NR3C1: variants seen among roughly 807,000 people sequenced by gnomAD.
NR3C1 encodes nuclear receptor subfamily 3 group C member 1.
NR3C1 carries 14 observed loss-of-function variants against 74.0 expected under a neutral mutation model. The observed-to-expected ratio is 0.19, with a 90% CI of 0.12 to 0.30. NR3C1 has a LOEUF of 0.30. NR3C1 is among the 10% of genes least tolerant of loss of function. The probability of loss-of-function intolerance (pLI) is 1.00; values close to 1 mark genes in which losing one functional copy is unlikely to be tolerated. For missense variants in NR3C1, 695 were observed against 909.8 expected (o/e 0.76, Z 3.04); for synonymous variants, 308 against 332.5 (o/e 0.93, Z 0.80).
intron 2 of NR3C1, chr5:143,332,927 A>C: frequency 6.4e-7 from 1 of 1,561,630 alleles, no homozygotes; most frequent in Non-Finnish European, 8.7e-7. Flanking sequence ...GGGGATTTCC[A>C]AATCTGAAGT....
intron 1 of NR3C1, among the ~76,000 whole-genome samples, chr5:143,409,854 G>A (rs557905308): frequency 1.3e-5 from 2 of 152,264 alleles, no homozygotes; most frequent in Non-Finnish European, 2.9e-5. Flanking sequence ...CTGCTGTTTT[G>A]CTGTCTTTCA....
At chr5:143,338,861 C>CA (rs1026864741) in intron 2 of NR3C1, among the ~76,000 whole-genome samples, 1 of 152,206 alleles carries the variant, frequency 6.6e-6, no homozygotes, top group African/African-American at 2.4e-5. Context: ...CAATGACTCA[C>CA]AGCAACTTCC....
chr5:143,403,465 G>C lies in NR3C1; in HGVS notation c.-268C>G. Reference sequence around the variant, plus strand: ...GCGGGTCGAGGTTCCGGGCGCGCGTGCCCCGTCCCGGTCCCAGCTGCTTCG... The same window carrying C: ...GCGGGTCGAGGTTCCGGGCGCGCGTCCCCCGTCCCGGTCCCAGCTGCTTCG... On this transcript the variant is annotated 5_prime_UTR_variant, in exon 1 of 9. Coordinates refer to ENST00000394464, the MANE Select transcript of NR3C1 (RefSeq NM_000176.3). 1 of 984,802 alleles carries C rather than the reference G, an allele frequency of 1.0e-6. No individual in the cohort carries two copies. Among genetic ancestry groups the C allele is most frequent in the Non-Finnish European group, 1.2e-6 (1 of 829,808 alleles). 61.0% of individuals were successfully genotyped at this position (984,802 alleles called of 1,614,324 possible). A position where few individuals can be genotyped will look rare whatever the true frequency, so the allele number is the denominator to read the frequency against.
At chr5:143,354,085 G>A (rs970371910) in intron 2 of NR3C1, among the ~76,000 whole-genome samples, 4 of 152,200 alleles carry the variant, frequency 2.6e-5, no homozygotes, top group Middle Eastern at 3.4e-3. Flanking sequence ...CTCATCAACC[G>A]ACCTCTGCTA....
chr5:143,382,825 T>C (rs776896220), intron 2 of NR3C1, among the ~76,000 whole-genome samples: 30 of 152,214 alleles, frequency 2.0e-4, no homozygotes, highest in Admixed American at 9.2e-4. Flanking sequence ...ACTGGCACCT[T>C]TCACTAAAAA....
chr5:143,402,644 C>G, intron 1 of NR3C1: 1 of 985,560 alleles, frequency 1.0e-6, no homozygotes. Flanking sequence ...TAACAGATAA[C>G]GCCGGCCCCG....
chr5:143,426,734 A>G (rs1239385953), intron 1 of NR3C1, among the ~76,000 whole-genome samples: 1 of 152,240 alleles, frequency 6.6e-6, no homozygotes, highest in East Asian at 1.9e-4. Context: ...TTAGTGGGTC[A>G]AATCCTGTCT....
chr5:143,327,467 T>C (rs1329640535), intron 2 of NR3C1, among the ~76,000 whole-genome samples: 1 of 152,194 alleles, frequency 6.6e-6, no homozygotes, highest in Non-Finnish European at 1.5e-5. Flanking sequence ...TTAAAACCAA[T>C]TATGCCTTCA....
At chr5:143,413,150 A>G (rs1312546555) in intron 1 of NR3C1, among the ~76,000 whole-genome samples, 1 of 152,202 alleles carries the variant, frequency 6.6e-6, no homozygotes, top group Non-Finnish European at 1.5e-5. Context: ...AAGTCATTAT[A>G]GAACAATGCA....
chr5:143,418,046 C>T (rs1254086204), intron 1 of NR3C1, among the ~76,000 whole-genome samples: 1 of 152,150 alleles, frequency 6.6e-6, no homozygotes, highest in Non-Finnish European at 1.5e-5. Context: ...GAAACAGAAG[C>T]ACAGAGAAAT....
At chr5:143,343,094 A>C (rs180888499) in intron 2 of NR3C1, among the ~76,000 whole-genome samples, 5 of 152,350 alleles carry the variant, frequency 3.3e-5, no homozygotes, top group Admixed American at 2.6e-4. Flanking sequence ...AAATTTCATA[A>C]GGACAAATAT....
At chr5:143,336,008 A>G (rs549097966) in intron 2 of NR3C1, among the ~76,000 whole-genome samples, 1 of 152,342 alleles carries the variant, frequency 6.6e-6, no homozygotes, top group South Asian at 2.1e-4. Flanking sequence ...AAATCTGGTG[A>G]ACTGGCTATT....
In NR3C1 at chr5:143,307,393, G is replaced by A. The variant is rs543968734; in HGVS notation, c.1468+2704C>T. ...AAGGAGGAAAAAATGGACAGATTTC[G>A]TAGCCTAGTCCATCAAAATCATTAC... On this transcript the variant is annotated intron_variant, in intron 4 of 8. Coordinates refer to ENST00000394464, the MANE Select transcript of NR3C1 (RefSeq NM_000176.3). Among the ~76,000 whole-genome samples the A allele has an allele frequency of 4.6e-5, 7 of 152,186 alleles. No individual in the cohort carries two copies. The South Asian group carries it at 8.3e-4, about 18-fold the overall frequency.
At chr5:143,346,596 T>C (rs1274028473) in intron 2 of NR3C1, among the ~76,000 whole-genome samples, 1 of 152,214 alleles carries the variant, frequency 6.6e-6, no homozygotes. Flanking sequence ...ATTTCCCAAA[T>C]TTGGTTGACG....
chr5:143,414,373 G>T (rs1841412038), intron 1 of NR3C1, among the ~76,000 whole-genome samples: 2 of 152,158 alleles, frequency 1.3e-5, no homozygotes, highest in Non-Finnish European at 2.9e-5. Flanking sequence ...AATGTCTCAA[G>T]CCTCTGCACT....
intron 2 of NR3C1, among the ~76,000 whole-genome samples, chr5:143,341,474 G>T (rs1010019190): frequency 1.3e-5 from 2 of 152,134 alleles, no homozygotes; most frequent in African/African-American, 4.8e-5. Context: ...AAAAAGAAAA[G>T]ACAAAAATAG....
chr5:143,367,461 A>G (rs1243492303), intron 2 of NR3C1, among the ~76,000 whole-genome samples: 2 of 152,206 alleles, frequency 1.3e-5, no homozygotes, highest in Non-Finnish European at 2.9e-5. Flanking sequence ...GGGAAGAAGT[A>G]AAATTATCTC....
intron 2 of NR3C1, among the ~76,000 whole-genome samples, chr5:143,391,615 T>C (rs908427093): frequency 2.0e-5 from 3 of 152,188 alleles, no homozygotes; most frequent in Admixed American, 6.5e-5. Context: ...ACTATGGCTA[T>C]TATGTAGATG....
intron 1 of NR3C1, chr5:143,409,054 T>C (rs1841208762): frequency 6.6e-6 from 1 of 152,174 alleles, no homozygotes; most frequent in African/African-American, 2.4e-5. Context: ...GGCATAAACA[T>C]GTTTGGGAAG....
Sources: gnomAD v4.1 joint callset for allele counts (sites outside exome capture counted in the v4.1 genomes callset) on GRCh38, gnomAD v4.1.1 for gene constraint, MANE v1.5 for transcripts, NCBI Gene and HGNC (gene_info 2026-07-23, HGNC 2026-07-21) for gene names.